Variants in ARMH4 observed in about 807,000 individuals in gnomAD.
The protein encoded by ARMH4 is armadillo like helical domain containing 4, also known as armadillo-like helical domain-containing protein 4.
A neutral mutation model predicts 61.9 loss-of-function variants in ARMH4; 49 were observed. That is an observed-to-expected ratio of 0.79 (90% CI 0.63 to 1.00). The LOEUF (loss-of-function observed/expected upper bound fraction) is 1.00, where lower values mean the gene tolerates loss of function less well. Ranked by LOEUF, ARMH4 falls within the 50% of genes least tolerant of loss-of-function variation. The pLI, the probability that ARMH4 is intolerant of heterozygous loss-of-function variation, is 0.00. For synonymous variants in ARMH4, 368 were observed against 341.5 expected (o/e 1.08, Z -0.85); for missense variants, 934 against 930.0 (o/e 1.00, Z -0.06).
At chr14:58,142,052 G>T (rs911934351) in intron 1 of ARMH4, among the ~76,000 whole-genome samples, 4 of 151,882 alleles carry the variant, frequency 2.6e-5, no homozygotes, top group Admixed American at 2.6e-4. Context: ...CCAAATTTAA[G>T]GGTTTCAGTT....
chr14:58,060,683 A>G (rs1015996137), intron 5 of ARMH4, among the ~76,000 whole-genome samples: 1 of 152,186 alleles, frequency 6.6e-6, no homozygotes, highest in African/African-American at 2.4e-5. Context: ...ATTTCTAAGC[A>G]TATGATTTAC....
At chr14:58,051,012 A>G (rs949168430) in intron 5 of ARMH4, among the ~76,000 whole-genome samples, 1 of 151,850 alleles carries the variant, frequency 6.6e-6, no homozygotes, top group Non-Finnish European at 1.5e-5. Flanking sequence ...AAGATTCCCT[A>G]TTTATTATTC....
chr14:58,063,205 C>T (rs1001102560), intron 5 of ARMH4, among the ~76,000 whole-genome samples: 1 of 152,174 alleles, frequency 6.6e-6, no homozygotes, highest in African/African-American at 2.4e-5. Context: ...CAATGTGTCT[C>T]CATGTCTTCT....
At chr14:58,060,574 A>C (rs1209909621) in intron 5 of ARMH4, among the ~76,000 whole-genome samples, 1 of 152,194 alleles carries the variant, frequency 6.6e-6, no homozygotes, top group Non-Finnish European at 1.5e-5. Context: ...ACCAAGAAAA[A>C]CTAAGCATCT....
intron 1 of ARMH4, among the ~76,000 whole-genome samples, chr14:58,144,547 A>G (rs1041230642): frequency 1.3e-5 from 2 of 152,112 alleles, no homozygotes; most frequent in African/African-American, 4.8e-5. Flanking sequence ...CCCTGTCTCA[A>G]AAACAAACAG....
intron 4 of ARMH4, among the ~76,000 whole-genome samples, chr14:58,107,901 T>C (rs1886218775): frequency 6.6e-6 from 1 of 152,174 alleles, no homozygotes; most frequent in Non-Finnish European, 1.5e-5. Flanking sequence ...GGAATGGCTC[T>C]GACACATCCC....
rs1882113828 is a variant in ARMH4 at position 58,005,100 on chromosome 14, A to G, written c.2204T>C (p.Ile735Thr). The change falls in exon 7 of 8, where the codon ATT becomes ACT. Residue 735 changes from isoleucine (I) to threonine (T), a missense_variant. Physicochemically the swap from Ile to Thr is moderately conservative, Grantham distance 89 (BLOSUM62 -1). Coordinates refer to ENST00000267485, the MANE Select transcript of ARMH4 (RefSeq NM_001001872.4). Reference sequence around the variant, plus strand: ...TCTCCTTCGGCGATTCATAACCTTAATGCTGTAGAGGGCTCCCAAGATGAA... The same window carrying G: ...TCTCCTTCGGCGATTCATAACCTTAGTGCTGTAGAGGGCTCCCAAGATGAA... ...ALFILGALYS[I>T]KVMNRRRRNG... 1 of 1,614,022 alleles carries G rather than the reference A, an allele frequency of 6.2e-7. No individual in the cohort carries two copies. Among genetic ancestry groups the G allele is most frequent in the Non-Finnish European group, 8.5e-7 (1 of 1,179,958 alleles).
chr14:58,051,685 T>C (rs1297095572), intron 5 of ARMH4, among the ~76,000 whole-genome samples: 1 of 152,198 alleles, frequency 6.6e-6, no homozygotes, highest in Non-Finnish European at 1.5e-5. Flanking sequence ...CAGGGCATCG[T>C]CTAGACTGAA....
chr14:58,009,169 G>A (rs1439153020), intron 6 of ARMH4, among the ~76,000 whole-genome samples: 1 of 152,138 alleles, frequency 6.6e-6, no homozygotes. Context: ...CTGGGAAGCT[G>A]GGTACAACCA....
intron 5 of ARMH4, among the ~76,000 whole-genome samples, chr14:58,094,746 T>C (rs912840333): frequency 2.4e-4 from 37 of 152,162 alleles, no homozygotes; most frequent in African/African-American, 8.9e-4. Flanking sequence ...AACTAATCTA[T>C]AGTGACCAAA....
At chr14:58,034,141 G>C (rs1236300357) in intron 5 of ARMH4, among the ~76,000 whole-genome samples, 8 of 133,104 alleles carry the variant, frequency 6.0e-5, no homozygotes, top group African/African-American at 1.9e-4. Context: ...AAATGTTAAG[G>C]GCAGCCAGAG....
intron 5 of ARMH4, among the ~76,000 whole-genome samples, chr14:58,093,867 T>A (rs147752590): frequency 5.6e-4 from 85 of 152,230 alleles, no homozygotes; most frequent in African/African-American, 2.0e-3. Flanking sequence ...GCTGAAAACA[T>A]GTTGACAAAA....
chr14:58,006,596 G>T (rs144039947), intron 6 of ARMH4, among the ~76,000 whole-genome samples: 31 of 152,216 alleles, frequency 2.0e-4, no homozygotes, highest in African/African-American at 6.0e-4. Context: ...ATTAATTTGA[G>T]AACAATAGCA....
chr14:58,133,777 A>G (rs1887210029), intron 2 of ARMH4, among the ~76,000 whole-genome samples: 1 of 152,242 alleles, frequency 6.6e-6, no homozygotes, highest in South Asian at 2.1e-4. Flanking sequence ...ACATTTTAAA[A>G]TAAAGGAGTA....
chr14:58,004,786 T>G lies in ARMH4; in HGVS notation c.2275A>C (p.Met759Leu). The G allele has an allele frequency of 1.2e-6, 2 of 1,611,724 alleles. No homozygotes were observed. Among genetic ancestry groups the G allele is most frequent in the Non-Finnish European group, 1.7e-6 (2 of 1,177,998 alleles). The change falls in exon 8 of 8, where the codon ATG becomes CTG. Residue 759 changes from methionine (M) to leucine (L), a missense_variant. Physicochemically the swap from Met to Leu is conservative, Grantham distance 15 (BLOSUM62 2). Coordinates refer to ENST00000267485, the MANE Select transcript of ARMH4 (RefSeq NM_001001872.4). ...GCTAAGAGCATTACTCGATCTTGCA[T>G]GCTGTTGAATTCTCTCTGCTAGAGA... Reference protein sequence around the residue: ...HKRKQREFNSMQDRVMLLADS... With the variant: ...HKRKQREFNSLQDRVMLLADS...
rs1887415961 is a variant in ARMH4 at position 58,138,764 on chromosome 14, C to T, written c.595G>A (p.Gly199Arg). ...GAAGGTGAATGTCCCAAACCAACTC[C>T]TTCCTGACTTTCAGTTGCAAATGAT... Reference protein sequence around the residue: ...NQSFATESQEGVGLGHSPSSY... With the variant: ...NQSFATESQERVGLGHSPSSY... The change falls in exon 2 of 8, where the codon GGA becomes AGA. Residue 199 changes from glycine to arginine, a missense_variant. Coordinates refer to ENST00000267485, the MANE Select transcript of ARMH4 (RefSeq NM_001001872.4). 6.2e-7 allele frequency: 1 copy of T among 1,614,098 alleles called. No individual in the cohort carries two copies. The highest frequency in any genetic ancestry group is 1.3e-5 in the African/African-American group (1 of 74,930).
chr14:58,011,485 C>T (rs773552881), intron 6 of ARMH4, among the ~76,000 whole-genome samples: 1 of 151,970 alleles, frequency 6.6e-6, no homozygotes, highest in Non-Finnish European at 1.5e-5. Flanking sequence ...CTGACACTGG[C>T]TACAACAAGG....
intron 1 of ARMH4, among the ~76,000 whole-genome samples, chr14:58,151,202 G>A (rs180847990): frequency 1.3e-5 from 2 of 152,194 alleles, no homozygotes; most frequent in African/African-American, 4.8e-5. Context: ...GTGCTAGGCG[G>A]ATCCTCGGGA....
At chr14:58,014,783 C>T (rs1882543153) in intron 5 of ARMH4, among the ~76,000 whole-genome samples, 1 of 152,122 alleles carries the variant, frequency 6.6e-6, no homozygotes, top group Non-Finnish European at 1.5e-5. Flanking sequence ...AAGTGGATGA[C>T]AAGCAGCAAT....
Sources: gnomAD v4.1 joint callset for allele counts (sites outside exome capture counted in the v4.1 genomes callset) on GRCh38, gnomAD v4.1.1 for gene constraint, MANE v1.5 for transcripts, NCBI Gene and HGNC (gene_info 2026-07-23, HGNC 2026-07-21) for gene names.